ANK3: variants seen among roughly 807,000 people sequenced by gnomAD.
The protein encoded by ANK3 is ankyrin-3.
In ANK3, 57 loss-of-function variants were observed where a neutral mutation model predicts 370.9. That is an observed-to-expected ratio of 0.15 (90% CI 0.12 to 0.19). ANK3 has a LOEUF of 0.19. ANK3 is among the 10% of genes least tolerant of loss of function. ANK3 has a pLI of 1.00. For missense variants in ANK3, 4,439 were observed against 5,302.1 expected, an observed-to-expected ratio of 0.84 and a Z score of 5.06; for synonymous variants, 1,929 against 1,946.3, an observed-to-expected ratio of 0.99 and a Z score of 0.23.
intron 2 of ANK3, among the ~76,000 whole-genome samples, chr10:60,562,735 C>G (rs1400723582): frequency 6.6e-6 from 1 of 151,824 alleles, no homozygotes; most frequent in Non-Finnish European, 1.5e-5. Context: ...ATTAACATAG[C>G]CATGGGATAA....
chr10:60,063,639 A>G (rs965569439), intron 39 of ANK3, among the ~76,000 whole-genome samples: 1 of 152,356 alleles, frequency 6.6e-6, no homozygotes, highest in East Asian at 1.9e-4. Context: ...GCAAACCCAT[A>G]ATAATTTATT....
intron 2 of ANK3, among the ~76,000 whole-genome samples, chr10:60,551,400 A>C (rs2077084981): frequency 6.6e-6 from 1 of 152,178 alleles, no homozygotes; most frequent in Non-Finnish European, 1.5e-5. Flanking sequence ...ATTTTCTCTT[A>C]CTTACAAATT....
intron 2 of ANK3, among the ~76,000 whole-genome samples, chr10:60,413,627 C>A (rs750851487): frequency 2.6e-5 from 4 of 151,976 alleles, no homozygotes; most frequent in African/African-American, 4.8e-5. Context: ...GGGGAAAAAT[C>A]AATTTTACCC....
intron 1 of ANK3, among the ~76,000 whole-genome samples, chr10:60,318,018 A>G (rs920785214): frequency 1.3e-5 from 2 of 152,196 alleles, no homozygotes; most frequent in African/African-American, 2.4e-5. Context: ...AAAAAAATAC[A>G]CAAATGCTCC....
Position 60,072,945 on chromosome 10 carries a change from A to G in ANK3, c.7936T>C (p.Trp2646Arg). The G allele has an allele frequency of 6.2e-7, 1 of 1,613,484 alleles. No homozygotes were observed. Among genetic ancestry groups the G allele is most frequent in the Non-Finnish European group, 8.5e-7 (1 of 1,179,876 alleles). The stretch of plus-strand genomic sequence containing the variant: ...GGGCCATGCTGTCTTGCCTTAACCC[A>G]CTCATCATTGGATGCCAGCAGTTCT... ...LTELLASNDE[W>R]VKARQHGPDG... is the part of the protein sequence containing the mutation. The change falls in exon 37 of 44, where the codon TGG becomes CGG. Residue 2646 changes from tryptophan to arginine, a missense_variant. This residue lies in a region of ANK3 where 1,601 missense variants were observed against 1,731.7 expected (regional missense o/e 0.92). Coordinates refer to ENST00000280772, the MANE Select transcript of ANK3 (RefSeq NM_020987.5).
intron 2 of ANK3, among the ~76,000 whole-genome samples, chr10:60,610,641 T>A: frequency 8.6e-6 from 1 of 116,574 alleles, no homozygotes; most frequent in South Asian, 4.1e-4. Context: ...ACTGTCATAT[T>A]TTTAAGTCAT....
intron 1 of ANK3, among the ~76,000 whole-genome samples, chr10:60,282,049 C>G (rs530376156): frequency 2.0e-5 from 3 of 152,148 alleles, no homozygotes; most frequent in Admixed American, 6.5e-5. Flanking sequence ...AAATTAGCCA[C>G]GCAAGGATGG....
chr10:60,592,401 C>G (rs1362218490), intron 2 of ANK3, among the ~76,000 whole-genome samples: 2 of 152,174 alleles, frequency 1.3e-5, no homozygotes, highest in Non-Finnish European at 2.9e-5. Flanking sequence ...AACCAGCCTA[C>G]TACATGTGAA....
Position 60,624,722 on chromosome 10 carries a change from T to TAA in ANK3, c.58-9500_58-9499dup, listed in dbSNP as rs397947661. Among the ~76,000 whole-genome samples, 917 of 126,924 alleles carry TAA rather than the reference T, an allele frequency of 7.2e-3. 7 individuals are homozygous for TAA. Among genetic ancestry groups the TAA allele is most frequent in the African/African-American group, 0.024 (836 of 34,580 alleles). 83.3% of individuals were successfully genotyped at this position (126,924 alleles called of 152,430 possible). A position where few individuals can be genotyped will look rare whatever the true frequency, so the allele number is the denominator to read the frequency against. The stretch of plus-strand genomic sequence containing the variant: ...ACAGTGCATGAGATTATAGTGGCTT[T>TAA]AAAAAAAAAAAAAAAAAACTGGTGG... On this transcript the variant is annotated intron_variant, in intron 1 of 43. Coordinates refer to the ANK3 transcript ENST00000373827.
In ANK3 at chr10:60,516,691, C is replaced by T. The variant is rs561366067; in HGVS notation, c.96+98495G>A. Among the ~76,000 whole-genome samples the T allele has an allele frequency of 4.6e-5, 7 of 152,028 alleles. 1 individual carries two copies. Among genetic ancestry groups the T allele is most frequent in the African/African-American group, 1.7e-4 (7 of 41,380 alleles). Reference sequence around the variant, plus strand: ...AGTTACCCAGAGGATCACTTGAGCCCAGGAATTCAAGGCTGCTATGAACTA... The same window carrying T: ...AGTTACCCAGAGGATCACTTGAGCCTAGGAATTCAAGGCTGCTATGAACTA... On this transcript the variant is annotated intron_variant, in intron 2 of 43. Transcript: ENST00000373827.
At chr10:60,452,674 A>T (rs1316662760) in intron 2 of ANK3, among the ~76,000 whole-genome samples, 1 of 152,214 alleles carries the variant, frequency 6.6e-6, no homozygotes. Context: ...GCTCCATCCA[A>T]TTATGTGAGT....
exon 1 of ANK3, chr10:60,733,413 A>C: frequency 8.8e-7 from 1 of 1,135,094 alleles, no homozygotes; most frequent in Non-Finnish European, 1.1e-6. Context: ...TTCTTGGGAA[A>C]AAGTTCGGCC....
chr10:60,191,648 C>G (rs1049996569), intron 16 of ANK3, among the ~76,000 whole-genome samples: 1 of 152,092 alleles, frequency 6.6e-6, no homozygotes, highest in African/African-American at 2.4e-5. Flanking sequence ...TTAATATAAC[C>G]TTTAAGGACA....
In ANK3 at chr10:60,126,035, A is replaced by C. The variant is rs540766747; in HGVS notation, c.2841+8236T>G. Among the ~76,000 whole-genome samples the C allele has an allele frequency of 2.0e-5, 3 of 152,324 alleles. No individual in the cohort carries two copies. In the South Asian group the frequency reaches 6.2e-4, roughly 32 times the overall value. On this transcript the variant is annotated intron_variant, in intron 25 of 43. Coordinates refer to ENST00000280772, the MANE Select transcript of ANK3 (RefSeq NM_020987.5). Reference sequence around the variant, plus strand: ...AGATGTGACAGCAGCCTTCCTGTACATGATGGCTATAATGAGGCCTCCAAT... The same window carrying C: ...AGATGTGACAGCAGCCTTCCTGTACCTGATGGCTATAATGAGGCCTCCAAT...
At chr10:60,198,614 T>A in intron 13 of ANK3, 77 bp from the exon 14 acceptor site, 1 of 1,343,882 alleles carries the variant, frequency 7.4e-7, no homozygotes, top group Non-Finnish European at 1.1e-6. Context: ...CAGGGAATAT[T>A]AGCTGCTTGA....
At position 60,389,651 on chromosome 10, in the gene ANK3, T is replaced by C; in HGVS notation, c.-113A>G. On this transcript the variant is annotated 5_prime_UTR_variant, in exon 1 of 44. Coordinates refer to ENST00000280772, the MANE Select transcript of ANK3 (RefSeq NM_020987.5). The stretch of plus-strand genomic sequence containing the variant: ...CATTCCAATCACTAGAGAGAAAGCT[T>C]TGACTAGAAGCAGGAAGATATTCAC... 6.6e-7 allele frequency: 1 copy of C among 1,506,524 alleles called. No homozygotes were observed. The highest frequency in any genetic ancestry group is 1.3e-5 in the South Asian group (1 of 74,088). 93.3% of individuals were successfully genotyped at this position (1,506,524 alleles called of 1,614,324 possible).
At chr10:60,661,478 C>T (rs2078935032) in intron 1 of ANK3, among the ~76,000 whole-genome samples, 1 of 151,970 alleles carries the variant, frequency 6.6e-6, no homozygotes, top group African/African-American at 2.4e-5. Flanking sequence ...AATCATTTGC[C>T]CTTCTAGTTT....
At chr10:60,722,112 T>TAA (rs1237772664) in intron 1 of ANK3, among the ~76,000 whole-genome samples, 1 of 152,074 alleles carries the variant, frequency 6.6e-6, no homozygotes, top group Non-Finnish European at 1.5e-5. Context: ...CGCACCAACC[T>TAA]AAACTATGCC....
intron 2 of ANK3, among the ~76,000 whole-genome samples, chr10:60,507,162 T>C (rs751823945): frequency 5.3e-5 from 8 of 152,086 alleles, no homozygotes; most frequent in Non-Finnish European, 1.2e-4. Flanking sequence ...ACAATTATTA[T>C]GTATCAATTT....
Sources: gnomAD v4.1 joint callset for allele counts (sites outside exome capture counted in the v4.1 genomes callset) on GRCh38, gnomAD v4.1.1 for gene constraint, gnomAD v4.1.1 regional missense constraint, MANE v1.5 for transcripts, NCBI Gene and HGNC (gene_info 2026-07-23, HGNC 2026-07-21) for gene names.